Variants in PPP1R42 observed in about 807,000 individuals in gnomAD.
The protein encoded by PPP1R42 is leucine rich repeat containing 67.
Under a neutral mutation model 31.0 loss-of-function variants are expected in PPP1R42, and 34 were observed. That is an observed-to-expected ratio of 1.10 (90% CI 0.83 to 1.46). The LOEUF (loss-of-function observed/expected upper bound fraction) is 1.46, where lower values mean the gene tolerates loss of function less well. Among genes scored for constraint, PPP1R42 ranks in the 40% most tolerant of loss-of-function variants. The pLI is 0.00. For missense variants in PPP1R42, 268 were observed against 303.0 expected, an observed-to-expected ratio of 0.88 and a Z score of 0.86; for synonymous variants, 103 against 109.8, an observed-to-expected ratio of 0.94 and a Z score of 0.39.
rs2129536739 is a variant in PPP1R42 at position 67,006,423 on chromosome 8, G to A, written c.552+4292C>T. Among the ~76,000 whole-genome samples the A allele has an allele frequency of 2.0e-5, 3 of 152,296 alleles. No homozygotes were observed. In the South Asian group the frequency reaches 6.2e-4, roughly 32 times the overall value. ...ACTGCAGTCTTGCACTTTGGGACAA[G>A]GGATCCTGTCCTGGGCTCAAGCGAT... On this transcript the variant is annotated intron_variant, in intron 5 of 7. Transcript: ENST00000685739.
chr8:66,986,572 G>T (rs1815023932), intron 6 of PPP1R42, among the ~76,000 whole-genome samples: 1 of 152,178 alleles, frequency 6.6e-6, no homozygotes, highest in Non-Finnish European at 1.5e-5. Flanking sequence ...CCACTTTCCT[G>T]GAGGCAGAGC....
chr8:67,013,000 CCCAAGGGGAAG>C lies in PPP1R42; in HGVS notation c.382_392del (p.Leu128GlyfsTer6). 6.2e-7 allele frequency: 1 copy of C among 1,611,908 alleles called. No homozygotes were observed. The highest frequency in any genetic ancestry group is 8.5e-7 in the Non-Finnish European group (1 of 1,179,210). On this transcript the variant is annotated frameshift_variant, in exon 4 of 8. Transcript: ENST00000685739. LOFTEE classifies it high-confidence loss of function. ...TTCTTGGATCAAACAGAAGCTTTTC[CCCAAGGGGAAG>C]CCTCTGATTCTCAACATGAAGCTCT...
chr8:66,977,021 TTTTTG>T (rs1234318972), intron 7 of PPP1R42, among the ~76,000 whole-genome samples: 1 of 151,786 alleles, frequency 6.6e-6, no homozygotes, highest in Non-Finnish European at 1.5e-5. Context: ...TATTTGTAGG[TTTTTG>T]TTTTGTTTTG....
intron 7 of PPP1R42, among the ~76,000 whole-genome samples, chr8:66,978,910 G>T (rs1043985766): frequency 3.9e-5 from 6 of 151,918 alleles, no homozygotes; most frequent in African/African-American, 1.5e-4. Flanking sequence ...AAACTGGGTT[G>T]TTTTTTTGCT....
chr8:66,987,360 C>T (rs1301693183), intron 6 of PPP1R42, among the ~76,000 whole-genome samples: 2 of 142,654 alleles, frequency 1.4e-5, no homozygotes, highest in South Asian at 2.2e-4. Flanking sequence ...GGCGTGATCT[C>T]GGCTCACTGC....
chr8:66,995,933 T>C (rs1017784276), intron 5 of PPP1R42, among the ~76,000 whole-genome samples: 2 of 152,232 alleles, frequency 1.3e-5, no homozygotes, highest in African/African-American at 4.8e-5. Context: ...AAATTTCTAC[T>C]ATGAAAGATG....
chr8:66,985,712 G>T, intron 6 of PPP1R42: 1 of 1,335,008 alleles, frequency 7.5e-7, no homozygotes. Flanking sequence ...GAGGAAGAAG[G>T]AGTCTTTGGC....
Position 67,001,247 on chromosome 8 carries a change from G to A in PPP1R42, c.552+9468C>T, listed in dbSNP as rs1440004633. ...GATTTTTTTTTTTTTTTAAAGCATAGATAACAAGACCCAGGCTGCTCTCGA... is the reference window on the plus strand; with the variant it reads ...GATTTTTTTTTTTTTTTAAAGCATAAATAACAAGACCCAGGCTGCTCTCGA... On this transcript the variant is annotated intron_variant, in intron 5 of 7. Coordinates refer to ENST00000685739, the MANE Select transcript of PPP1R42 (RefSeq NM_001364910.1). Among the ~76,000 whole-genome samples the A allele has an allele frequency of 2.2e-5, 3 of 137,824 alleles. No individual in the cohort carries two copies. The East Asian group carries it at 6.3e-4, about 29-fold the overall frequency. The allele number at this position is 137,824 out of a possible 152,430, so 90.4% of individuals were successfully genotyped here. A position where few individuals can be genotyped will look rare whatever the true frequency, so the allele number is the denominator to read the frequency against.
intron 1 of PPP1R42, among the ~76,000 whole-genome samples, chr8:67,027,791 G>C (rs1339639023): frequency 2.0e-5 from 3 of 152,104 alleles, no homozygotes; most frequent in Admixed American, 1.3e-4. Flanking sequence ...TTGAGAAACT[G>C]CTTTTGCCTA....
At chr8:66,964,640 A>C (rs551358595) in intron 7 of PPP1R42, among the ~76,000 whole-genome samples, 3 of 152,202 alleles carry the variant, frequency 2.0e-5, no homozygotes, top group Non-Finnish European at 4.4e-5. Flanking sequence ...TTTTGCACCC[A>C]GATTGTCCTT....
Position 66,988,451 on chromosome 8 carries a change from A to C in PPP1R42, c.619T>G (p.Cys207Gly). The C allele has an allele frequency of 6.2e-7, 1 of 1,610,612 alleles. No homozygotes were observed. The highest frequency in any genetic ancestry group is 8.5e-7 in the Non-Finnish European group (1 of 1,178,150). The change falls in exon 6 of 8, where the codon TGT (cysteine) becomes GGT (glycine). Residue 207 changes from cysteine (C) to glycine (G), a missense_variant. By Grantham distance (159) the Cys-to-Gly change is radical. Transcript: ENST00000685739. Reference sequence around the variant, plus strand: ...CTGTCCCTGTATTTTGGTTTGAGACAAACAGGATTTCCATTTAGATCAATT... The same window carrying C: ...CTGTCCCTGTATTTTGGTTTGAGACCAACAGGATTTCCATTTAGATCAATT... ...WKIDLNGNPV[C>G]LKPKYRDRLI...
chr8:67,000,947 C>CA (rs1187297084), intron 5 of PPP1R42, among the ~76,000 whole-genome samples: 31 of 152,124 alleles, frequency 2.0e-4, no homozygotes, highest in Admixed American at 1.6e-3. Context: ...CCTTTTACTT[C>CA]TGTGAATTTT....
chr8:66,985,353 T>C, intron 6 of PPP1R42: 1 of 773,892 alleles, frequency 1.3e-6, no homozygotes. Flanking sequence ...CTTGAATGGT[T>C]CCCTCCGAAG....
intron 7 of PPP1R42, among the ~76,000 whole-genome samples, chr8:66,971,296 G>A (rs1009352629): frequency 6.6e-6 from 1 of 152,122 alleles, no homozygotes; most frequent in Non-Finnish European, 1.5e-5. Flanking sequence ...GGAAAAAATA[G>A]CACAGACTTT....
intron 4 of PPP1R42, among the ~76,000 whole-genome samples, chr8:67,011,534 T>C (rs1467711761): frequency 6.6e-6 from 1 of 152,222 alleles, no homozygotes; most frequent in Non-Finnish European, 1.5e-5. Context: ...TGTGCTTACA[T>C]AGGAAGAAAT....
intron 6 of PPP1R42, among the ~76,000 whole-genome samples, chr8:66,982,573 C>T (rs1229612332): frequency 6.6e-6 from 1 of 152,026 alleles, no homozygotes; most frequent in Non-Finnish European, 1.5e-5. Context: ...CCTCCCACCT[C>T]AGCCTCCCGA....
chr8:66,992,046 G>A (rs1173160842), intron 5 of PPP1R42, among the ~76,000 whole-genome samples: 3 of 152,060 alleles, frequency 2.0e-5, no homozygotes, highest in East Asian at 1.9e-4. Flanking sequence ...CCACTGAAAA[G>A]GCATTGCTAG....
intron 7 of PPP1R42, among the ~76,000 whole-genome samples, chr8:66,973,139 G>A (rs1364019465): frequency 6.6e-6 from 1 of 151,974 alleles, no homozygotes; most frequent in Non-Finnish European, 1.5e-5. Context: ...TTCTAATTCT[G>A]AGTGCTTTCC....
In PPP1R42 at chr8:66,965,221, G is replaced by A. The variant is rs373160884; in HGVS notation, c.803-887C>T. 4.6e-4 allele frequency among the ~76,000 whole-genome samples: 66 copies of A among 144,210 alleles called. 1 individual carries two copies. Among genetic ancestry groups the A allele is most frequent in the South Asian group, 6.6e-4 (3 of 4,576 alleles). The allele number at this position is 144,210 out of a possible 152,430, so 94.6% of individuals were successfully genotyped here. ...TGGAACTGCAGTGAGTCAAGATTGC[G>A]CCACTGCACTCCAGCCTGGGCGACA... On this transcript the variant is annotated intron_variant, in intron 7 of 7. Transcript: ENST00000685739.
Sources: allele counts gnomAD v4.1 joint callset (sites outside exome capture counted in the v4.1 genomes callset), GRCh38; gene constraint gnomAD v4.1.1; transcripts MANE v1.5; gene names NCBI Gene and HGNC (gene_info 2026-07-23, HGNC 2026-07-21).